IQCB1: variants seen among roughly 807,000 people sequenced by gnomAD.
IQCB1 encodes the protein IQ calmodulin-binding motif-containing protein 1.
A neutral mutation model predicts 84.4 loss-of-function variants in IQCB1; 56 were observed. The observed-to-expected ratio is 0.66, with a 90% CI of 0.54 to 0.83. The LOEUF (loss-of-function observed/expected upper bound fraction) is 0.83, where lower values mean the gene tolerates loss of function less well. Ranked by LOEUF, IQCB1 falls within the 40% of genes least tolerant of loss-of-function variation. The probability of loss-of-function intolerance (pLI) is 0.00; values close to 1 mark genes in which losing one functional copy is unlikely to be tolerated. For missense variants in IQCB1, 629 were observed against 682.1 expected (o/e 0.92, Z 0.87); for synonymous variants, 210 against 234.8 (o/e 0.89, Z 0.96).
chr3:121,828,584 T>C lies in IQCB1; in HGVS notation c.149A>G (p.Lys50Arg). 1 of 1,604,866 alleles carries C rather than the reference T, an allele frequency of 6.2e-7. No homozygotes were observed. The highest frequency in any genetic ancestry group is 8.5e-7 in the Non-Finnish European group (1 of 1,171,756). The change falls in exon 4 of 15, where the codon AAA becomes AGA. Residue 50 changes from lysine to arginine, a missense_variant. Physicochemically the swap from Lys to Arg is conservative, Grantham distance 26. Transcript: ENST00000310864. ...PLGSSELKKIKQDIYCYDLIQ... is the reference protein window; with the variant it reads ...PLGSSELKKIRQDIYCYDLIQ... ...GAGATCATAACAATATATATCTTGT[T>C]TGATTTTCTTCAACTCTGAGCTTCC...
chr3:121,772,586 T>A lies in IQCB1; in HGVS notation c.1538A>T (p.Gln513Leu). 4.3e-6 allele frequency: 7 copies of A among 1,614,268 alleles called. No homozygotes were observed. Among genetic ancestry groups the A allele is most frequent in the Non-Finnish European group, 5.9e-6 (7 of 1,180,044 alleles). Reference protein sequence around the residue: ...AQQHREALIAQISTNVEQLMK... With the variant: ...AQQHREALIALISTNVEQLMK... Reference sequence around the variant, plus strand: ...TAGCTGTTCAACGTTGGTGCTGATCTGTGCTATCAGAGCTTCTCTGTGCTG... The same window carrying A: ...TAGCTGTTCAACGTTGGTGCTGATCAGTGCTATCAGAGCTTCTCTGTGCTG... Residue 513 changes from glutamine (Q) to leucine (L), a missense_variant, in exon 14 of 15, where the codon CAG becomes CTG. Coordinates refer to ENST00000310864, the MANE Select transcript of IQCB1 (RefSeq NM_001023570.4).
chr3:121,789,195 T>C (rs1250729069), intron 11 of IQCB1, among the ~76,000 whole-genome samples: 4 of 152,150 alleles, frequency 2.6e-5, no homozygotes, highest in South Asian at 2.1e-4. Flanking sequence ...TGTTATTCAA[T>C]AGAGTAGAAA....
At chr3:121,772,440 T>A in intron 14 of IQCB1, 117 bp downstream of exon 14, 1 of 1,003,804 alleles carries the variant, frequency 1.0e-6, no homozygotes. Flanking sequence ...AGAAATTTCC[T>A]GAGGTTAGGG....
intron 12 of IQCB1, among the ~76,000 whole-genome samples, chr3:121,786,734 C>T (rs1008143864): frequency 1.7e-4 from 26 of 152,142 alleles, no homozygotes; most frequent in African/African-American, 5.8e-4. Flanking sequence ...ACTTTGCCTT[C>T]GTAGCCTTCA....
intron 12 of IQCB1, among the ~76,000 whole-genome samples, chr3:121,784,456 T>G (rs1054464751): frequency 6.6e-6 from 1 of 152,204 alleles, no homozygotes; most frequent in African/African-American, 2.4e-5. Flanking sequence ...TTATACGGTA[T>G]CTTGGTTTTG....
At chr3:121,787,019 G>C (rs1036492299) in intron 12 of IQCB1, among the ~76,000 whole-genome samples, 1 of 152,138 alleles carries the variant, frequency 6.6e-6, no homozygotes, top group African/African-American at 2.4e-5. Context: ...CCCTTAGATG[G>C]CTTTGTTTAG....
intron 5 of IQCB1, among the ~76,000 whole-genome samples, chr3:121,813,861 C>T (rs13323291): frequency 0.25 from 37,463 of 152,042 alleles, 4,959 homozygotes; most frequent in Non-Finnish European, 0.28. Flanking sequence ...TTAGACAGAT[C>T]AATGAGACAG....
intron 10 of IQCB1, among the ~76,000 whole-genome samples, chr3:121,792,426 G>A (rs575588074): frequency 2.5e-3 from 380 of 151,972 alleles, no homozygotes; most frequent in African/African-American, 8.6e-3. Flanking sequence ...TTGGGAGGCC[G>A]AGGCGGGTGG....
chr3:121,813,143 C>T (rs957693449), intron 5 of IQCB1, among the ~76,000 whole-genome samples: 3 of 152,120 alleles, frequency 2.0e-5, no homozygotes, highest in Admixed American at 2.0e-4. Flanking sequence ...TAATTTTCAA[C>T]CTAGAATTTC....
intron 5 of IQCB1, among the ~76,000 whole-genome samples, chr3:121,818,660 GTAT>G (rs1220112739): frequency 2.0e-5 from 3 of 152,230 alleles, no homozygotes; most frequent in Non-Finnish European, 4.4e-5. Flanking sequence ...TAATTGATAA[GTAT>G]TACCAAAAAA....
chr3:121,777,307 C>T (rs1948268683), intron 13 of IQCB1, among the ~76,000 whole-genome samples: 2 of 152,116 alleles, frequency 1.3e-5, no homozygotes, highest in South Asian at 2.1e-4. Context: ...ATTGAGTGTA[C>T]CTACAGAAAC....
intron 7 of IQCB1, among the ~76,000 whole-genome samples, chr3:121,806,520 C>T (rs958008055): frequency 6.6e-6 from 1 of 152,026 alleles, no homozygotes; most frequent in Non-Finnish European, 1.5e-5. Context: ...TACTTTTCAT[C>T]CTCAGCATGT....
chr3:121,826,404 A>G (rs1950468936), intron 4 of IQCB1, among the ~76,000 whole-genome samples: 1 of 152,370 alleles, frequency 6.6e-6, no homozygotes, highest in Admixed American at 6.5e-5. Flanking sequence ...AAAAACCTAC[A>G]TATCAGCTCA....
At position 121,782,836 on chromosome 3, in the gene IQCB1, C is replaced by T. The variant is rs374634201; in HGVS notation, c.1279-962G>A. Among the ~76,000 whole-genome samples the T allele has an allele frequency of 2.0e-3, 304 of 152,254 alleles. 3 individuals are homozygous for T. Among genetic ancestry groups the T allele is most frequent in the African/African-American group, 7.1e-3 (293 of 41,554 alleles). ...CTGGGATTACAGGCATGCACCACCA[C>T]GCCCAGCTAATTTTTGTATTTTTTA... On this transcript the variant is annotated intron_variant, in intron 12 of 14. Coordinates refer to ENST00000310864, the MANE Select transcript of IQCB1 (RefSeq NM_001023570.4).
intron 7 of IQCB1, among the ~76,000 whole-genome samples, chr3:121,803,622 C>T (rs745463306): frequency 7.9e-5 from 12 of 152,140 alleles, no homozygotes; most frequent in Non-Finnish European, 1.3e-4. Flanking sequence ...TCAATTTTTG[C>T]TTGTGTATTT....
intron 2 of IQCB1, among the ~76,000 whole-genome samples, chr3:121,829,843 T>G (rs373607020): frequency 1.3e-5 from 2 of 152,224 alleles, no homozygotes; most frequent in East Asian, 3.8e-4. Context: ...AGTGAAGCAC[T>G]GACCTTCAAC....
chr3:121,786,170 C>CAAGAAAAAAG, intron 12 of IQCB1, among the ~76,000 whole-genome samples: 7 of 72,844 alleles, frequency 9.6e-5, no homozygotes, highest in Non-Finnish European at 1.8e-4. Flanking sequence ...GATTCTGTCT[C>CAAGAAAAAAG]AAAAGAAAAG....
At chr3:121,825,000 C>A (rs573251800) in intron 5 of IQCB1, among the ~76,000 whole-genome samples, 55 of 151,828 alleles carry the variant, frequency 3.6e-4, no homozygotes, top group Non-Finnish European at 7.2e-4. Context: ...TTGCATGGTT[C>A]TGACATGCAC....
At chr3:121,821,757 G>A (rs1021244327) in intron 5 of IQCB1, among the ~76,000 whole-genome samples, 3 of 152,166 alleles carry the variant, frequency 2.0e-5, no homozygotes, top group African/African-American at 7.2e-5. Flanking sequence ...ACTGTTTGAA[G>A]GTTTTAGATA....
Sources: gnomAD v4.1 joint callset for allele counts (sites outside exome capture counted in the v4.1 genomes callset) on GRCh38, gnomAD v4.1.1 for gene constraint, MANE v1.5 for transcripts, NCBI Gene and HGNC (gene_info 2026-07-23, HGNC 2026-07-21) for gene names.